DSC1: variants seen among roughly 807,000 people sequenced by gnomAD.
DSC1 encodes desmocollin 1.
A neutral mutation model predicts 98.8 loss-of-function variants in DSC1; 79 were observed. The ratio of observed to expected loss-of-function variants is 0.80; its 90% CI spans 0.67 to 0.96. The LOEUF is 0.96. DSC1 is among the 50% of genes least tolerant of loss of function. The probability of loss-of-function intolerance (pLI) is 0.00; values close to 1 mark genes in which losing one functional copy is unlikely to be tolerated. For missense variants in DSC1, 1,115 were observed against 1,075.9 expected, an observed-to-expected ratio of 1.04 and a Z score of -0.51; for synonymous variants, 405 against 372.1, an observed-to-expected ratio of 1.09 and a Z score of -1.02.
intron 9 of DSC1, 38 bp from the exon 10 acceptor site, chr18:31,140,339 C>A: frequency 6.4e-7 from 1 of 1,559,770 alleles, no homozygotes; most frequent in Non-Finnish European, 8.7e-7. Context: ...CAATATATAA[C>A]ATTATATATA....
chr18:31,151,178 T>G (rs1252357818), intron 5 of DSC1, among the ~76,000 whole-genome samples: 1 of 152,246 alleles, frequency 6.6e-6, no homozygotes, highest in African/African-American at 2.4e-5. Context: ...AAATAATATT[T>G]TTGTTATTTG....
chr18:31,152,701 T>G (rs1440820289), intron 5 of DSC1, among the ~76,000 whole-genome samples: 1 of 152,114 alleles, frequency 6.6e-6, no homozygotes, highest in Non-Finnish European at 1.5e-5. Flanking sequence ...TAGGAGGTTG[T>G]GATTTGTTTG....
chr18:31,143,649 A>T lies in DSC1; in HGVS notation c.1074+8T>A. On this transcript the variant is annotated splice_region_variant and intron_variant, in intron 8 of 15. Coordinates refer to ENST00000257198, the MANE Select transcript of DSC1 (RefSeq NM_024421.2). Reference sequence around the variant, plus strand: ...AATCTAGATGAATGAATAGAGAGGTATACTCACAGAAGTTTCTGTGAAAGA... The same window carrying T: ...AATCTAGATGAATGAATAGAGAGGTTTACTCACAGAAGTTTCTGTGAAAGA... The T allele has an allele frequency of 6.4e-7, 1 of 1,568,188 alleles. No individual in the cohort carries two copies. The highest frequency in any genetic ancestry group is 8.6e-7 in the Non-Finnish European group (1 of 1,158,070).
chr18:31,144,984 G>A (rs1009335759), intron 7 of DSC1, among the ~76,000 whole-genome samples: 13 of 144,296 alleles, frequency 9.0e-5, no homozygotes, highest in African/African-American at 3.4e-4. Flanking sequence ...CTGTCACCCA[G>A]GCTGGGGTGC....
intron 5 of DSC1, among the ~76,000 whole-genome samples, chr18:31,153,677 C>T (rs765055792): frequency 5.9e-5 from 9 of 152,146 alleles, no homozygotes; most frequent in South Asian, 2.1e-4. Context: ...TAAGGTCTTT[C>T]CCTCTCTATT....
chr18:31,141,141 G>T (rs1013646670), intron 9 of DSC1, among the ~76,000 whole-genome samples: 1 of 151,730 alleles, frequency 6.6e-6, no homozygotes, highest in Non-Finnish European at 1.5e-5. Flanking sequence ...GTCTTTATCA[G>T]CCATGTGAAA....
chr18:31,155,077 T>C (rs1223327992), intron 4 of DSC1, 148 bp from the exon 5 acceptor site: 2 of 941,844 alleles, frequency 2.1e-6, no homozygotes, highest in East Asian at 5.4e-5. Context: ...TTATCTGCCA[T>C]GTTTTCCGAA....
rs1218996080 is a variant in DSC1, at chr18:31,154,852, A to AT, written c.548dup (p.Asn183LysfsTer19). The AT allele has an allele frequency of 6.2e-7, 1 of 1,613,972 alleles. No individual in the cohort carries two copies. The highest frequency in any genetic ancestry group is 8.5e-7 in the Non-Finnish European group (1 of 1,179,998). On this transcript the variant is annotated frameshift_variant, in exon 5 of 16. Transcript: ENST00000257198. LOFTEE classifies it high-confidence loss of function. ...CAGTGTCTTTCTCTATGTAAAACAA[A>AT]TTGAAGGGTTCTTTGTCCACGCCTG...
Position 31,150,313 on chromosome 18 carries a change from T to TATTACCATCACC in DSC1, c.628-1672_628-1671insGGTGATGGTAAT, listed in dbSNP as rs1568002718. ...CCACCACTACCATCATCACCACCAC[T>TATTACCATCACC]ACTACCATCATCACCACCACCACTA... is the stretch of plus-strand genomic sequence containing the variant. On this transcript the variant is annotated intron_variant, in intron 5 of 15. Transcript: ENST00000257198. Among the ~76,000 whole-genome samples the TATTACCATCACC allele has an allele frequency of 8.5e-4, 6 of 7,088 alleles. 1 individual carries two copies. Among genetic ancestry groups the TATTACCATCACC allele is most frequent in the Admixed American group, 1.5e-3 (1 of 650 alleles). 4.7% of individuals were successfully genotyped at this position (7,088 alleles called of 152,430 possible). A position where few individuals can be genotyped will look rare whatever the true frequency, so the allele number is the denominator to read the frequency against.
chr18:31,146,098 A>G (rs907043184), intron 6 of DSC1, among the ~76,000 whole-genome samples: 1 of 152,162 alleles, frequency 6.6e-6, no homozygotes, highest in Non-Finnish European at 1.5e-5. Context: ...AACTTAATTT[A>G]ATTTTAGATT....
intron 11 of DSC1, among the ~76,000 whole-genome samples, chr18:31,135,640 T>A (rs963649625): frequency 6.6e-6 from 1 of 152,190 alleles, no homozygotes; most frequent in Non-Finnish European, 1.5e-5. Context: ...CTCGTACTCA[T>A]CTGTTGATTG....
intron 1 of DSC1, among the ~76,000 whole-genome samples, chr18:31,162,295 C>T (rs553652684): frequency 6.6e-6 from 1 of 152,248 alleles, no homozygotes; most frequent in Admixed American, 6.5e-5. Context: ...AAGAGGGATT[C>T]CCTTGAAAAC....
intron 15 of DSC1, among the ~76,000 whole-genome samples, chr18:31,131,269 T>C (rs540012341): frequency 1.3e-5 from 2 of 152,344 alleles, no homozygotes; most frequent in African/African-American, 4.8e-5. Context: ...TAATTTATGA[T>C]CCATTCATTC....
At position 31,154,907 on chromosome 18, in the gene DSC1, T is replaced by C; in HGVS notation, c.494A>G (p.Asn165Ser). ...ACTTATGGAATAAAAGATGGTGTAA[T>C]TCTGTGCAGCATCAGATTGGATCTG... ...VQQIQSDAAQ[N>S]YTIFYSISGP... Residue 165 changes from asparagine (N) to serine (S), a missense_variant, in exon 5 of 16, where the codon AAT becomes AGT. Physicochemically the swap from Asn to Ser is conservative, Grantham distance 46. Transcript: ENST00000257198. The C allele has an allele frequency of 2.5e-6, 4 of 1,613,802 alleles. No homozygotes were observed. Among genetic ancestry groups the C allele is most frequent in the Non-Finnish European group, 8.5e-7 (1 of 1,179,938 alleles).
rs769195695 is a variant in DSC1, at chr18:31,139,816, AC to A, written c.1594del (p.Val532TyrfsTer2). 1 of 1,612,538 alleles carries A rather than the reference AC, an allele frequency of 6.2e-7. No individual in the cohort carries two copies. Among genetic ancestry groups the A allele is most frequent in the South Asian group, 1.1e-5 (1 of 90,872 alleles). The part of the protein sequence containing the change: ...QHTGDLRTLK[V>X]LDRESKFVKN... ...TACAAATTTGGATTCTCTATCTAGTACTTTTAGAGTTCTCAAGTCGCCAGTG... is the reference window on the plus strand; with the variant it reads ...TACAAATTTGGATTCTCTATCTAGTATTTTAGAGTTCTCAAGTCGCCAGTG... On this transcript the variant is annotated frameshift_variant, in exon 11 of 16. Transcript: ENST00000257198. LOFTEE classifies it high-confidence loss of function.
chr18:31,134,173 G>T (rs746266503), intron 12 of DSC1, 43 bp from the exon 13 acceptor site: 1 of 1,585,246 alleles, frequency 6.3e-7, no homozygotes, highest in Non-Finnish European at 8.5e-7. Flanking sequence ...TGGCTGTTTA[G>T]ATGGCAGTAT....
In DSC1 at chr18:31,150,367, C is replaced by G. The variant is rs866610370; in HGVS notation, c.628-1725G>C. On this transcript the variant is annotated intron_variant, in intron 5 of 15. Coordinates refer to ENST00000257198, the MANE Select transcript of DSC1 (RefSeq NM_024421.2). ...TCACCACCACCACCACCATCATCAC[C>G]ACCACCATCATCACCACCATCACCA... is the stretch of plus-strand genomic sequence containing the variant. Among the ~76,000 whole-genome samples the G allele has an allele frequency of 3.8e-3, 49 of 13,048 alleles. 3 individuals are homozygous for G. The highest frequency in any genetic ancestry group is 6.2e-3 in the Non-Finnish European group (28 of 4,542). The allele number at this position is 13,048 out of a possible 152,430, so 8.6% of individuals were successfully genotyped here. A position where few individuals can be genotyped will look rare whatever the true frequency, so the allele number is the denominator to read the frequency against.
intron 1 of DSC1, among the ~76,000 whole-genome samples, chr18:31,162,165 T>C (rs2143940660): frequency 6.6e-6 from 1 of 152,314 alleles, no homozygotes; most frequent in East Asian, 1.9e-4. Flanking sequence ...ACTCAGCATG[T>C]TAAATAACAT....
intron 5 of DSC1, among the ~76,000 whole-genome samples, chr18:31,152,359 T>G (rs1989017875): frequency 6.6e-6 from 1 of 152,200 alleles, no homozygotes; most frequent in African/African-American, 2.4e-5. Context: ...CTTATATAAC[T>G]ATTCTTTGAA....
Sources: gnomAD v4.1 joint callset for allele counts (sites outside exome capture counted in the v4.1 genomes callset) on GRCh38, gnomAD v4.1.1 for gene constraint, MANE v1.5 for transcripts, NCBI Gene and HGNC (gene_info 2026-07-23, HGNC 2026-07-21) for gene names.